Variants in NBEA observed in about 807,000 individuals in gnomAD.
The protein encoded by NBEA is neurobeachin, also known as lysosomal-trafficking regulator 2.
A neutral mutation model predicts 343.4 loss-of-function variants in NBEA; 44 were observed. The observed-to-expected ratio is 0.13, with a 90% confidence interval of 0.10 to 0.16. The LOEUF is 0.16. NBEA is among the 10% of genes least tolerant of loss of function. NBEA has a pLI of 1.00. For missense variants in NBEA, 2,555 were observed against 3,631.3 expected, an observed-to-expected ratio of 0.70 and a Z score of 7.62; for synonymous variants, 1,175 against 1,238.7, an observed-to-expected ratio of 0.95 and a Z score of 1.08.
At position 35,670,892 on chromosome 13, in the gene NBEA, C is replaced by A. The variant is rs2085590184; in HGVS notation, c.8814-9C>A. 4.4e-6 allele frequency: 7 copies of A among 1,579,048 alleles called. No homozygotes were observed. The highest frequency in any genetic ancestry group is 5.2e-6 in the Non-Finnish European group (6 of 1,157,956). On this transcript the variant is annotated splice_polypyrimidine_tract_variant and intron_variant, in intron 58 of 58. Transcript: ENST00000379939. The stretch of plus-strand genomic sequence containing the variant: ...ATATCACTCTTAACTGCTGTTTCTG[C>A]TTTTCCAGGACTCTGATCACTGGCA...
chr13:35,289,558 T>A (rs1029346113), intron 34 of NBEA, among the ~76,000 whole-genome samples: 5 of 151,854 alleles, frequency 3.3e-5, no homozygotes, highest in Non-Finnish European at 5.9e-5. Context: ...TTGGAAAAAA[T>A]CTTGATAACT....
chr13:35,470,705 GAGCGGTTCGA>G (rs1238570846), intron 40 of NBEA, among the ~76,000 whole-genome samples: 1 of 152,216 alleles, frequency 6.6e-6, no homozygotes, highest in Non-Finnish European at 1.5e-5. Flanking sequence ...AGGGTTAAGG[GAGCGGTTCGA>G]ACCGGCCCGA....
chr13:35,436,443 G>A (rs2045441735), intron 39 of NBEA, among the ~76,000 whole-genome samples: 1 of 152,190 alleles, frequency 6.6e-6, no homozygotes, highest in African/African-American at 2.4e-5. Flanking sequence ...GGGCGCAGTG[G>A]CTCACGCCTG....
chr13:35,012,990 G>A, intron 1 of NBEA, among the ~76,000 whole-genome samples: 1 of 152,154 alleles, frequency 6.6e-6, no homozygotes, highest in East Asian at 1.9e-4. Flanking sequence ...TATTTTTGTG[G>A]AAGAGTTAGT....
At chr13:35,137,705 T>A (rs2067822029) in intron 17 of NBEA, among the ~76,000 whole-genome samples, 1 of 152,146 alleles carries the variant, frequency 6.6e-6, no homozygotes, top group South Asian at 2.1e-4. Flanking sequence ...ATTGTGTTAC[T>A]TTTGGGTAGT....
intron 41 of NBEA, among the ~76,000 whole-genome samples, chr13:35,485,471 A>G (rs2076273729): frequency 6.6e-6 from 1 of 152,110 alleles, no homozygotes; most frequent in African/African-American, 2.4e-5. Context: ...ATTATGTGCT[A>G]TCGTTGTATT....
In NBEA at chr13:35,423,238, G is replaced by A. The variant is rs374221209; in HGVS notation, c.6180-9031G>A. ...ATTCCTTGCCCATGCCTATGTTCCT[G>A]AATGGTATTGCCTAGGTTTTCTTTT... On this transcript the variant is annotated intron_variant, in intron 38 of 58. Coordinates refer to ENST00000379939, the MANE Select transcript of NBEA (RefSeq NM_001385012.1). Among the ~76,000 whole-genome samples the A allele has an allele frequency of 2.7e-4, 41 of 152,244 alleles. No individual in the cohort carries two copies. In the South Asian group the frequency reaches 8.1e-3, roughly 30 times the overall value.
At chr13:35,239,812 A>G (rs560917997) in intron 34 of NBEA, among the ~76,000 whole-genome samples, 2 of 151,846 alleles carry the variant, frequency 1.3e-5, no homozygotes, top group South Asian at 4.2e-4. Context: ...TCATTTGCCA[A>G]TGAAAGAAAC....
intron 36 of NBEA, among the ~76,000 whole-genome samples, chr13:35,327,227 A>C (rs1040356904): frequency 1.3e-5 from 2 of 152,116 alleles, no homozygotes; most frequent in African/African-American, 4.8e-5. Flanking sequence ...GAGATTTCTT[A>C]AAAAGCTTAA....
intron 57 of NBEA, 80 bp downstream of exon 57, chr13:35,667,650 A>G (rs1372336920): frequency 3.1e-6 from 4 of 1,283,482 alleles, no homozygotes; most frequent in Non-Finnish European, 4.4e-6. Context: ...ATAATTCATA[A>G]TAGAATGTCT....
chr13:35,189,765 CT>C lies in NBEA; in HGVS notation c.4927+5701del, dbSNP rs113322637. Among the ~76,000 whole-genome samples the C allele has an allele frequency of 7.2e-3, 1,095 of 152,048 alleles. 11 individuals are homozygous for C. Among genetic ancestry groups the C allele is most frequent in the African/African-American group, 0.025 (1,044 of 41,480 alleles). ...TAAAAGTAGTATTTTCAAAATACTA[CT>C]TTTTTTATGTTATTTAAAATAAGAA... On this transcript the variant is annotated intron_variant, in intron 30 of 58. Transcript: ENST00000379939.
chr13:35,250,210 G>A (rs1021360227), intron 34 of NBEA, among the ~76,000 whole-genome samples: 1 of 152,050 alleles, frequency 6.6e-6, no homozygotes, highest in African/African-American at 2.4e-5. Context: ...TATATTATGT[G>A]TATTTTACTA....
intron 41 of NBEA, among the ~76,000 whole-genome samples, chr13:35,544,733 A>C (rs979804983): frequency 1.3e-5 from 2 of 152,164 alleles, no homozygotes; most frequent in African/African-American, 4.8e-5. Flanking sequence ...CTTCTTTTGG[A>C]TATTAAGCAG....
chr13:34,989,774 C>G (rs557652944), intron 1 of NBEA, among the ~76,000 whole-genome samples: 1 of 150,800 alleles, frequency 6.6e-6, no homozygotes, highest in Admixed American at 6.6e-5. Context: ...AGTCGAAGTC[C>G]AAAGTTTCAT....
At chr13:35,261,173 T>TA (rs1274831567) in intron 34 of NBEA, among the ~76,000 whole-genome samples, 7 of 152,180 alleles carry the variant, frequency 4.6e-5, no homozygotes, top group Non-Finnish European at 8.8e-5. Context: ...ATAAGGGGTT[T>TA]AAAAGACAAG....
At chr13:35,106,847 T>G (rs1189354736) in intron 11 of NBEA, among the ~76,000 whole-genome samples, 1 of 151,804 alleles carries the variant, frequency 6.6e-6, no homozygotes, top group Non-Finnish European at 1.5e-5. Context: ...AGTTCCAAAC[T>G]TGTTTCTATA....
intron 13 of NBEA, among the ~76,000 whole-genome samples, chr13:35,112,285 T>A (rs1310614099): frequency 3.3e-5 from 5 of 152,102 alleles, no homozygotes; most frequent in Non-Finnish European, 5.9e-5. Context: ...TATGGCTTCT[T>A]CCATTGCTTT....
chr13:35,061,558 C>T (rs1208306359), intron 8 of NBEA, among the ~76,000 whole-genome samples: 5 of 151,426 alleles, frequency 3.3e-5, no homozygotes, highest in Admixed American at 1.3e-4. Flanking sequence ...TATGTTAACC[C>T]TGTGTGGCAA....
intron 39 of NBEA, among the ~76,000 whole-genome samples, chr13:35,442,264 A>T (rs969546613): frequency 2.0e-5 from 3 of 152,166 alleles, no homozygotes; most frequent in Admixed American, 1.3e-4. Context: ...ATAGTGCATC[A>T]TCTCTGCTCT....
Sources: allele counts gnomAD v4.1 joint callset (sites outside exome capture counted in the v4.1 genomes callset), GRCh38; gene constraint gnomAD v4.1.1; transcripts MANE v1.5; gene names NCBI Gene and HGNC (gene_info 2026-07-23, HGNC 2026-07-21).